Variants in LRRC4C observed in about 807,000 individuals in gnomAD.
LRRC4C encodes leucine-rich repeat-containing protein 4C.
A neutral mutation model predicts 33.6 loss-of-function variants in LRRC4C; 5 were observed. The ratio of observed to expected loss-of-function variants is 0.15; its 90% CI spans 0.08 to 0.31. The LOEUF (loss-of-function observed/expected upper bound fraction) is 0.31. Ranked by LOEUF, LRRC4C falls within the 10% of genes least tolerant of loss-of-function variation. LRRC4C has a pLI of 1.00. For synonymous variants in LRRC4C, 329 were observed against 302.0 expected, an observed-to-expected ratio of 1.09 and a Z score of -0.93; for missense variants, 560 against 796.7, an observed-to-expected ratio of 0.70 and a Z score of 3.58.
rs374882783 is a variant in LRRC4C at position 40,615,668 on chromosome 11, A to C, written c.-270+32474T>G. Among the ~76,000 whole-genome samples, 55 of 151,876 alleles carry C rather than the reference A, an allele frequency of 3.6e-4. No homozygotes were observed. The South Asian group carries it at 0.011, about 32-fold the overall frequency. ...CATTTTAATTTCTGTGATTGACAGA[A>C]TCTATTAAAATTCGCTTTAATTGGT... On this transcript the variant is annotated intron_variant, in intron 3 of 6. Coordinates refer to ENST00000528697, the MANE Select transcript of LRRC4C (RefSeq NM_001258419.2).
At chr11:41,447,929 T>G (rs968141777) in intron 1 of LRRC4C, among the ~76,000 whole-genome samples, 1 of 152,140 alleles carries the variant, frequency 6.6e-6, no homozygotes, top group African/African-American at 2.4e-5. Context: ...GTTTATATGG[T>G]ATGTTTTTAA....
chr11:40,736,711 T>G lies in LRRC4C; in HGVS notation c.-406-88433A>C, dbSNP rs548593795. Among the ~76,000 whole-genome samples, 17 of 152,314 alleles carry G rather than the reference T, an allele frequency of 1.1e-4. No individual in the cohort carries two copies. In the South Asian group the frequency reaches 3.5e-3, roughly 32 times the overall value. On this transcript the variant is annotated intron_variant, in intron 2 of 6. Coordinates refer to ENST00000528697, the MANE Select transcript of LRRC4C (RefSeq NM_001258419.2). ...ACTTTTTAATGGTCATCATTTTAAC[T>G]GGTGCGAGATAGTATCTCATTGTGT...
chr11:40,962,899 C>G (rs565540891), intron 1 of LRRC4C, among the ~76,000 whole-genome samples: 1 of 151,742 alleles, frequency 6.6e-6, no homozygotes, highest in South Asian at 2.1e-4. Flanking sequence ...ATAAACAGGA[C>G]AGGAAGCAGG....
At chr11:41,456,785 C>A (rs1357943791) in intron 1 of LRRC4C, among the ~76,000 whole-genome samples, 1 of 152,056 alleles carries the variant, frequency 6.6e-6, no homozygotes, top group Non-Finnish European at 1.5e-5. Context: ...ACGTCAAAAC[C>A]CTCTCTACCA....
intron 1 of LRRC4C, among the ~76,000 whole-genome samples, chr11:41,092,685 G>A (rs116195592): frequency 2.6e-5 from 4 of 152,242 alleles, no homozygotes; most frequent in African/African-American, 9.6e-5. Context: ...ATAACCAACT[G>A]TACTGTCCAG....
At chr11:40,302,035 T>A (rs1475260792) in intron 4 of LRRC4C, among the ~76,000 whole-genome samples, 1 of 152,202 alleles carries the variant, frequency 6.6e-6, no homozygotes, top group African/African-American at 2.4e-5. Flanking sequence ...GGCTTAGGAA[T>A]CCTTTGATTC....
intron 2 of LRRC4C, among the ~76,000 whole-genome samples, chr11:40,888,654 C>A (rs904425561): frequency 3.9e-5 from 6 of 151,922 alleles, no homozygotes; most frequent in African/African-American, 1.2e-4. Flanking sequence ...GTAATGGAAA[C>A]CATAGCTAAT....
At chr11:40,348,760 T>C (rs1947251226) in intron 3 of LRRC4C, among the ~76,000 whole-genome samples, 1 of 152,186 alleles carries the variant, frequency 6.6e-6, no homozygotes, top group Non-Finnish European at 1.5e-5. Context: ...TTTAAAAATA[T>C]AGTTTCTTAT....
At chr11:40,223,945 G>T (rs963846810) in intron 5 of LRRC4C, among the ~76,000 whole-genome samples, 2 of 152,042 alleles carry the variant, frequency 1.3e-5, no homozygotes, top group Admixed American at 6.6e-5. Flanking sequence ...TTTTAAAAAG[G>T]TTTTTCATTT....
intron 1 of LRRC4C, among the ~76,000 whole-genome samples, chr11:41,268,293 C>A (rs1421639301): frequency 6.6e-6 from 1 of 152,024 alleles, no homozygotes; most frequent in Admixed American, 6.6e-5. Context: ...CCTAGTTGAA[C>A]CTTAAATGAG....
intron 1 of LRRC4C, among the ~76,000 whole-genome samples, chr11:41,069,501 CTG>C (rs1344361735): frequency 6.6e-6 from 1 of 152,098 alleles, no homozygotes; most frequent in Non-Finnish European, 1.5e-5. Context: ...GATGGCATGA[CTG>C]TTTATTTAGA....
At chr11:40,938,247 C>T (rs955792625) in intron 1 of LRRC4C, among the ~76,000 whole-genome samples, 2 of 152,036 alleles carry the variant, frequency 1.3e-5, no homozygotes, top group African/African-American at 2.4e-5. Context: ...GGAAAGAAAA[C>T]GTAATCTCCC....
Position 40,625,268 on chromosome 11 carries a change from T to A in LRRC4C, c.-270+22874A>T, listed in dbSNP as rs116218781. Among the ~76,000 whole-genome samples, 927 of 152,270 alleles carry A rather than the reference T, an allele frequency of 6.1e-3. 15 individuals are homozygous for A. The highest frequency in any genetic ancestry group is 0.022 in the African/African-American group (901 of 41,556). The stretch of plus-strand genomic sequence containing the variant: ...AAACTTTGCTATAGTATTGTATTAG[T>A]CTGTTCTCATGCTGCTGTAAGAAAT... On this transcript the variant is annotated intron_variant, in intron 3 of 6. Coordinates refer to ENST00000528697, the MANE Select transcript of LRRC4C (RefSeq NM_001258419.2).
chr11:40,505,135 T>C (rs1954970345), intron 3 of LRRC4C, among the ~76,000 whole-genome samples: 1 of 152,242 alleles, frequency 6.6e-6, no homozygotes. Flanking sequence ...ATTTGGCAGT[T>C]GGGAGAAAAA....
Position 40,351,496 on chromosome 11 carries a change from G to C in LRRC4C, c.-269-31775C>G, listed in dbSNP as rs1947383574. On this transcript the variant is annotated intron_variant, in intron 3 of 6. Coordinates refer to ENST00000528697, the MANE Select transcript of LRRC4C (RefSeq NM_001258419.2). ...CGATCTGTCCAATAGCTGAAAGTGG[G>C]ATGCTGAAACCTCCAGCTATTGTTG... 2 of 151,892 alleles carry C rather than the reference G, an allele frequency of 1.3e-5. 1 individual carries two copies. The highest frequency in any genetic ancestry group is 4.2e-4 in the South Asian group (2 of 4,818). 9.4% of individuals were successfully genotyped at this position (151,892 alleles called of 1,614,324 possible).
chr11:40,398,094 T>C lies in LRRC4C; in HGVS notation c.-269-78373A>G, dbSNP rs370341118. Among the ~76,000 whole-genome samples the C allele has an allele frequency of 4.6e-5, 7 of 152,136 alleles. No homozygotes were observed. In the East Asian group the frequency reaches 7.7e-4, roughly 17 times the overall value. On this transcript the variant is annotated intron_variant, in intron 3 of 6. Transcript: ENST00000528697. ...TGGCAATTTTTGAGTAATATAGTTT[T>C]ATGAAATTATAGATTATGAAATGAT...
intron 2 of LRRC4C, among the ~76,000 whole-genome samples, chr11:40,732,945 A>G (rs1260551931): frequency 6.7e-6 from 1 of 150,208 alleles, no homozygotes; most frequent in African/African-American, 2.5e-5. Context: ...TTTGGTTTCT[A>G]TTTTACAGAT....
chr11:40,527,496 G>A (rs757386653), intron 3 of LRRC4C, among the ~76,000 whole-genome samples: 8 of 152,136 alleles, frequency 5.3e-5, no homozygotes, highest in Non-Finnish European at 1.0e-4. Context: ...AATTAAATTG[G>A]TAAGATTTGC....
chr11:41,014,742 A>T (rs909089013), intron 1 of LRRC4C, among the ~76,000 whole-genome samples: 2 of 152,140 alleles, frequency 1.3e-5, no homozygotes, highest in African/African-American at 4.8e-5. Context: ...TAAGGTAAAT[A>T]ATCATTCTGG....
Sources: allele counts gnomAD v4.1 joint callset (sites outside exome capture counted in the v4.1 genomes callset), GRCh38; gene constraint gnomAD v4.1.1; transcripts MANE v1.5; gene names NCBI Gene and HGNC (gene_info 2026-07-23, HGNC 2026-07-21).